The following GALNT13 variants were observed in gnomAD, a reference collection of about 807,000 sequenced individuals.
The protein encoded by GALNT13 is UDP-GalNAc:polypeptide N-acetylgalactosaminyltransferase 13.
GALNT13 carries 28 observed loss-of-function variants against 64.2 expected under a neutral mutation model. That is an observed-to-expected ratio of 0.44 (90% CI 0.32 to 0.60). The LOEUF (loss-of-function observed/expected upper bound fraction) is 0.60. GALNT13 is among the 20% of genes least tolerant of loss of function. The pLI, the probability that GALNT13 is intolerant of heterozygous loss-of-function variation, is 0.05. For missense variants in GALNT13, 577 were observed against 669.8 expected (o/e 0.86, Z 1.53); for synonymous variants, 214 against 224.6 (o/e 0.95, Z 0.42).
intron 2 of GALNT13, among the ~76,000 whole-genome samples, chr2:153,913,477 T>G (rs536288738): frequency 2.0e-5 from 3 of 152,248 alleles, no homozygotes; most frequent in African/African-American, 7.2e-5. Context: ...GGAAGCAAGT[T>G]GAGCCCAGGG....
chr2:153,831,986 G>C, the GALNT13 span, among the ~76,000 whole-genome samples: 1 of 152,130 alleles, frequency 6.6e-6, no homozygotes, highest in Non-Finnish European at 1.5e-5. Context: ...GTCATTGCCA[G>C]AATAAAGGAA....
chr2:154,185,221 C>T (rs1355155376), intron 4 of GALNT13, among the ~76,000 whole-genome samples: 3 of 152,042 alleles, frequency 2.0e-5, no homozygotes, highest in Non-Finnish European at 4.4e-5. Context: ...CAGATAATTT[C>T]ATGAAGTTTC....
chr2:153,128,052 G>A, the GALNT13 span, among the ~76,000 whole-genome samples: 2 of 152,100 alleles, frequency 1.3e-5, no homozygotes, highest in African/African-American at 4.8e-5. Context: ...TCAACAGAAA[G>A]GTACAAGGTA....
At chr2:153,668,136 C>G in the GALNT13 span, among the ~76,000 whole-genome samples, 1 of 152,196 alleles carries the variant, frequency 6.6e-6, no homozygotes, top group East Asian at 1.9e-4. Flanking sequence ...ACAACAAAGA[C>G]ATTTTGATAA....
chr2:153,891,340 A>G (rs1011364788), intron 1 of GALNT13, among the ~76,000 whole-genome samples: 18 of 152,002 alleles, frequency 1.2e-4, no homozygotes, highest in South Asian at 2.1e-4. Context: ...TCTACTTGCT[A>G]TAAGAATGTC....
chr2:154,213,865 A>C (rs1687906794), intron 4 of GALNT13, among the ~76,000 whole-genome samples: 1 of 152,216 alleles, frequency 6.6e-6, no homozygotes, highest in Non-Finnish European at 1.5e-5. Flanking sequence ...ATTCATAATT[A>C]TCTGATAAGA....
the GALNT13 span, among the ~76,000 whole-genome samples, chr2:153,843,688 T>G: frequency 6.6e-6 from 1 of 152,178 alleles, no homozygotes; most frequent in Non-Finnish European, 1.5e-5. Context: ...CTTCCACCTA[T>G]AAGCCTGAAA....
At chr2:153,902,571 T>G (rs1012346963) in intron 2 of GALNT13, among the ~76,000 whole-genome samples, 2 of 152,104 alleles carry the variant, frequency 1.3e-5, no homozygotes, top group Admixed American at 6.6e-5. Flanking sequence ...GAAGACTTGT[T>G]GCAAAAAGAT....
In GALNT13 at chr2:154,262,267, T is replaced by C. The variant is rs1221174970; in HGVS notation, c.975+3129T>C. Among the ~76,000 whole-genome samples, 3 of 152,154 alleles carry C rather than the reference T, an allele frequency of 2.0e-5. No individual in the cohort carries two copies. In the East Asian group the frequency reaches 5.8e-4, roughly 29 times the overall value. ...GGGACTGTGCTGTTAAATACCATAC[T>C]GTTACCTCCTCATTAAGGTTCATCT... On this transcript the variant is annotated intron_variant, in intron 8 of 12. Coordinates refer to ENST00000392825, the MANE Select transcript of GALNT13 (RefSeq NM_052917.4).
the GALNT13 span, among the ~76,000 whole-genome samples, chr2:153,125,862 G>A: frequency 4.6e-5 from 7 of 151,988 alleles, no homozygotes; most frequent in Non-Finnish European, 7.4e-5. Flanking sequence ...TACATAATCT[G>A]TTCTTGTTGA....
At chr2:153,822,026 G>A in the GALNT13 span, among the ~76,000 whole-genome samples, 4 of 152,056 alleles carry the variant, frequency 2.6e-5, no homozygotes, top group African/African-American at 4.8e-5. Flanking sequence ...TCTCAAGACC[G>A]AATCAGGAGG....
the GALNT13 span, among the ~76,000 whole-genome samples, chr2:153,189,675 T>G: frequency 6.6e-6 from 1 of 152,152 alleles, no homozygotes; most frequent in African/African-American, 2.4e-5. Flanking sequence ...GAAATCTCCA[T>G]ACAGTGATTC....
chr2:153,874,542 T>C (rs10221630), intron 1 of GALNT13, among the ~76,000 whole-genome samples: 41,741 of 151,800 alleles, frequency 0.27, 6,360 homozygotes, highest in Middle Eastern at 0.41. Flanking sequence ...AATGTGAGAA[T>C]GGAGGCTGTC....
At chr2:153,887,183 C>T (rs1052391609) in intron 1 of GALNT13, among the ~76,000 whole-genome samples, 1 of 151,796 alleles carries the variant, frequency 6.6e-6, no homozygotes, top group African/African-American at 2.4e-5. Context: ...ATATTCTCAT[C>T]CACCTTATAA....
chr2:153,881,778 C>A (rs1881210), intron 1 of GALNT13, among the ~76,000 whole-genome samples: 36,848 of 152,004 alleles, frequency 0.24, 4,761 homozygotes, highest in Non-Finnish European at 0.28. Flanking sequence ...TTTCCACAAA[C>A]AGAACAGGAT....
chr2:154,285,715 A>T (rs907191745), intron 8 of GALNT13, among the ~76,000 whole-genome samples: 1 of 152,120 alleles, frequency 6.6e-6, no homozygotes, highest in Non-Finnish European at 1.5e-5. Context: ...TTCTGCTTCC[A>T]TATGAACTTA....
chr2:153,704,390 TAAC>T, the GALNT13 span, among the ~76,000 whole-genome samples: 1 of 150,330 alleles, frequency 6.7e-6, no homozygotes, highest in Admixed American at 6.6e-5. Flanking sequence ...AGCATCATAT[TAAC>T]TTTTCCTGAA....
chr2:153,136,900 G>A, the GALNT13 span, among the ~76,000 whole-genome samples: 1 of 142,772 alleles, frequency 7.0e-6, no homozygotes, highest in African/African-American at 2.5e-5. Context: ...GAACAGTGAG[G>A]AATGAGCAGT....
rs181913726 is a variant in GALNT13 at position 153,998,884 on chromosome 2, A to G, written c.142+54245A>G. Reference sequence around the variant, plus strand: ...TTAGCCAGTTTTCCCAACACCATTTATTAAATAGGGAACCCTTAACACAGA... The same window carrying G: ...TTAGCCAGTTTTCCCAACACCATTTGTTAAATAGGGAACCCTTAACACAGA... On this transcript the variant is annotated intron_variant, in intron 3 of 12. Transcript: ENST00000392825. 1.7e-3 allele frequency among the ~76,000 whole-genome samples: 253 copies of G among 152,216 alleles called. 1 individual carries two copies. The Middle Eastern group carries it at 0.027, about 16-fold the overall frequency.
Sources: allele counts gnomAD v4.1 joint callset (sites outside exome capture counted in the v4.1 genomes callset), GRCh38; gene constraint gnomAD v4.1.1; transcripts MANE v1.5; gene names NCBI Gene and HGNC (gene_info 2026-07-23, HGNC 2026-07-21).